Variants in PTPRD observed in about 807,000 individuals in gnomAD.
PTPRD encodes protein tyrosine phosphatase receptor type D.
Under a neutral mutation model 214.5 loss-of-function variants are expected in PTPRD, and 34 were observed. That is an observed-to-expected ratio of 0.16 (90% CI 0.12 to 0.21). The LOEUF (loss-of-function observed/expected upper bound fraction) is 0.21. PTPRD is among the 10% of genes least tolerant of loss of function. PTPRD has a pLI of 1.00. For synonymous variants in PTPRD, 1,128 were observed against 845.7 expected, an observed-to-expected ratio of 1.33 and a Z score of -5.79; for missense variants, 2,545 against 2,398.7, an observed-to-expected ratio of 1.06 and a Z score of -1.27.
intron 5 of PTPRD, among the ~76,000 whole-genome samples, chr9:9,856,570 T>C (rs938405182): frequency 1.3e-5 from 2 of 150,798 alleles, no homozygotes; most frequent in Non-Finnish European, 2.9e-5. Flanking sequence ...AGGTATGAAA[T>C]GGGATGAGTG....
chr9:9,947,560 T>C (rs34129030), intron 4 of PTPRD, among the ~76,000 whole-genome samples: 11,437 of 37,878 alleles, frequency 0.3, 2,452 homozygotes, highest in East Asian at 0.83. Flanking sequence ...ATTATATATA[T>C]ATTTTATATA....
Position 8,681,678 on chromosome 9 carries a change from T to C in PTPRD, c.65-44834A>G, listed in dbSNP as rs76816984. Among the ~76,000 whole-genome samples, 238 of 152,306 alleles carry C rather than the reference T, an allele frequency of 1.6e-3. 1 individual carries two copies. The highest frequency in any genetic ancestry group is 0.015 in the East Asian group (80 of 5,180). On this transcript the variant is annotated intron_variant, in intron 12 of 45. Coordinates refer to ENST00000381196, the MANE Select transcript of PTPRD (RefSeq NM_002839.4). ...CCCTGAACGATGTGCATGCGTCATATAGACAAGTTGCTTTTGTAGAGATAC... is the reference window on the plus strand; with the variant it reads ...CCCTGAACGATGTGCATGCGTCATACAGACAAGTTGCTTTTGTAGAGATAC...
intron 39 of PTPRD, among the ~76,000 whole-genome samples, chr9:8,347,442 G>A (rs946645335): frequency 6.6e-6 from 1 of 152,060 alleles, no homozygotes; most frequent in Non-Finnish European, 1.5e-5. Context: ...CTTTCCTGTC[G>A]GAGCTTACAG....
At chr9:8,829,527 T>C (rs1035341278) in intron 11 of PTPRD, among the ~76,000 whole-genome samples, 2 of 152,150 alleles carry the variant, frequency 1.3e-5, no homozygotes, top group African/African-American at 2.4e-5. Flanking sequence ...TGGAAGGTTA[T>C]TATAATCCTA....
At position 8,572,055 on chromosome 9, in the gene PTPRD, C is replaced by T. The variant is rs141851253; in HGVS notation, c.353-43276G>A. On this transcript the variant is annotated intron_variant, in intron 14 of 45. Transcript: ENST00000381196. ...AAAATGTGGCAACTCTGTTTGACAC[C>T]GCAAAGCAAAATGCATTTTTTCACG... is the stretch of plus-strand genomic sequence containing the variant. Among the ~76,000 whole-genome samples the T allele has an allele frequency of 2.7e-4, 41 of 151,994 alleles. 1 individual carries two copies. The highest frequency in any genetic ancestry group is 9.7e-4 in the East Asian group (5 of 5,166).
At chr9:9,738,814 T>C (rs947680895) in intron 6 of PTPRD, among the ~76,000 whole-genome samples, 3 of 152,160 alleles carry the variant, frequency 2.0e-5, no homozygotes, top group Non-Finnish European at 4.4e-5. Context: ...TTATTAGATA[T>C]GTGATTTGCA....
chr9:10,558,986 A>G (rs1327986732), intron 2 of PTPRD, among the ~76,000 whole-genome samples: 2 of 152,112 alleles, frequency 1.3e-5, no homozygotes, highest in East Asian at 3.9e-4. Context: ...TGAAAATCCT[A>G]TTTCTATATT....
rs143518670 is a variant in PTPRD at position 9,970,569 on chromosome 9, C to T, written c.-471-31959G>A. Among the ~76,000 whole-genome samples the T allele has an allele frequency of 2.8e-3, 427 of 152,082 alleles. 2 individuals carry two copies. The highest frequency in any genetic ancestry group is 9.4e-3 in the African/African-American group (388 of 41,476). On this transcript the variant is annotated intron_variant, in intron 4 of 45. Transcript: ENST00000381196. ...GTACCTAGTAGGAAAAAAAATTGTC[C>T]TCCTCCCCCCACACAGGGCAGACAA...
At chr9:10,136,443 G>A (rs181385974) in intron 3 of PTPRD, among the ~76,000 whole-genome samples, 2 of 152,134 alleles carry the variant, frequency 1.3e-5, no homozygotes, top group African/African-American at 4.8e-5. Context: ...CTTTTAATCT[G>A]CACTCAGAAC....
intron 7 of PTPRD, among the ~76,000 whole-genome samples, chr9:9,720,520 A>G (rs4742613): frequency 0.24 from 35,814 of 152,142 alleles, 5,327 homozygotes; most frequent in Admixed American, 0.38. Flanking sequence ...AGGGTAGTAA[A>G]CATATATAGA....
chr9:10,333,113 A>G (rs1392302851), intron 3 of PTPRD, among the ~76,000 whole-genome samples: 1 of 151,860 alleles, frequency 6.6e-6, no homozygotes, highest in Non-Finnish European at 1.5e-5. Context: ...TTTCTGTAAA[A>G]TACGAAGTGA....
chr9:9,398,395 C>T (rs1000976735), intron 8 of PTPRD, among the ~76,000 whole-genome samples: 25 of 152,118 alleles, frequency 1.6e-4, no homozygotes, highest in Middle Eastern at 3.4e-3. Flanking sequence ...TCCTGCTATG[C>T]CTCTGAAATA....
intron 5 of PTPRD, among the ~76,000 whole-genome samples, chr9:9,798,664 C>G (rs2099019462): frequency 6.6e-6 from 1 of 152,030 alleles, no homozygotes; most frequent in Admixed American, 6.6e-5. Context: ...ATGCAGCAGC[C>G]TAGAAGTAGA....
At chr9:8,630,348 C>T (rs1000273435) in intron 14 of PTPRD, among the ~76,000 whole-genome samples, 1 of 151,794 alleles carries the variant, frequency 6.6e-6, no homozygotes, top group African/African-American at 2.4e-5. Context: ...ATTTATTTAG[C>T]TATTCATGAT....
intron 3 of PTPRD, among the ~76,000 whole-genome samples, chr9:10,175,109 G>C (rs1278096840): frequency 6.6e-6 from 1 of 152,026 alleles, no homozygotes; most frequent in Non-Finnish European, 1.5e-5. Flanking sequence ...TTTGGGTTAA[G>C]AGAGATAAGA....
chr9:8,367,620 A>C, intron 39 of PTPRD, among the ~76,000 whole-genome samples: 1 of 152,182 alleles, frequency 6.6e-6, no homozygotes, highest in Non-Finnish European at 1.5e-5. Flanking sequence ...TTCCGTGTTA[A>C]ATATTCCAGT....
chr9:10,062,532 C>T (rs1012323956), intron 3 of PTPRD, among the ~76,000 whole-genome samples: 8 of 151,892 alleles, frequency 5.3e-5, no homozygotes, highest in African/African-American at 1.9e-4. Flanking sequence ...CTTAAACCCG[C>T]AAGGCAGAGG....
chr9:10,459,807 G>T (rs1012731533), intron 2 of PTPRD, among the ~76,000 whole-genome samples: 5 of 151,610 alleles, frequency 3.3e-5, no homozygotes, highest in African/African-American at 4.8e-5. Flanking sequence ...TTAGCCCTTT[G>T]TCAGATGGAT....
chr9:8,642,025 T>C (rs2154335555), intron 12 of PTPRD, among the ~76,000 whole-genome samples: 1 of 152,312 alleles, frequency 6.6e-6, no homozygotes, highest in South Asian at 2.1e-4. Flanking sequence ...TCGTACACTA[T>C]ACTAAGTAGT....
Sources: gnomAD v4.1 joint callset for allele counts (sites outside exome capture counted in the v4.1 genomes callset) on GRCh38, gnomAD v4.1.1 for gene constraint, MANE v1.5 for transcripts, NCBI Gene and HGNC (gene_info 2026-07-23, HGNC 2026-07-21) for gene names.